The following ADAM10 variants were observed in gnomAD, a reference collection of about 807,000 sequenced individuals.
ADAM10 encodes the protein disintegrin and metalloproteinase domain-containing protein 10.
In ADAM10, 17 loss-of-function variants were observed where a neutral mutation model predicts 90.1. The ratio of observed to expected loss-of-function variants is 0.19; its 90% CI spans 0.13 to 0.28. ADAM10 has a LOEUF of 0.28. Among genes scored for constraint, ADAM10 ranks in the 10% least tolerant of loss-of-function variants. The pLI is 1.00. For synonymous variants in ADAM10, 310 were observed against 298.6 expected (o/e 1.04, Z -0.40); for missense variants, 610 against 914.3 (o/e 0.67, Z 4.29).
At chr15:58,708,785 G>A (rs558580128) in intron 2 of ADAM10, among the ~76,000 whole-genome samples, 30 of 152,204 alleles carry the variant, frequency 2.0e-4, no homozygotes, top group African/African-American at 2.6e-4. Flanking sequence ...GACTATTTTG[G>A]AAACTTACTA....
intron 2 of ADAM10, chr15:58,698,346 T>A: frequency 2.4e-6 from 1 of 425,028 alleles, no homozygotes; most frequent in Non-Finnish European, 4.6e-6. Context: ...CTGAGGCAGG[T>A]GGATCGTTTC....
intron 14 of ADAM10, among the ~76,000 whole-genome samples, chr15:58,602,110 GT>G (rs1217764512): frequency 1.3e-5 from 2 of 152,008 alleles, no homozygotes; most frequent in African/African-American, 4.8e-5. Context: ...AACTTTCAAT[GT>G]ATTCATTTAT....
At chr15:58,724,839 T>C (rs1395014358) in intron 1 of ADAM10, among the ~76,000 whole-genome samples, 1 of 152,212 alleles carries the variant, frequency 6.6e-6, no homozygotes, top group East Asian at 1.9e-4. Flanking sequence ...AAAGACCTTG[T>C]AATGTATGGA....
chr15:58,687,807 T>C (rs545514634), intron 2 of ADAM10, among the ~76,000 whole-genome samples: 6 of 152,332 alleles, frequency 3.9e-5, no homozygotes, highest in African/African-American at 1.4e-4. Context: ...ATCTCAAAGA[T>C]ACTACTTGCA....
chr15:58,655,558 A>T (rs1369201602), intron 5 of ADAM10: 1 of 150,932 alleles, frequency 6.6e-6, no homozygotes, highest in African/African-American at 2.4e-5. Context: ...ACTGAGGATT[A>T]CAATTCAACA....
chr15:58,648,906 A>G (rs1270687474), intron 5 of ADAM10, among the ~76,000 whole-genome samples: 1 of 152,070 alleles, frequency 6.6e-6, no homozygotes, highest in Non-Finnish European at 1.5e-5. Flanking sequence ...TAGAGTCATC[A>G]AAGTTTACAT....
intron 11 of ADAM10, among the ~76,000 whole-genome samples, chr15:58,619,261 T>C (rs1357820082): frequency 6.6e-6 from 1 of 152,170 alleles, no homozygotes; most frequent in African/African-American, 2.4e-5. Flanking sequence ...TTGTTACTCA[T>C]ATGTGAGAGC....
At chr15:58,748,991 G>T in intron 1 of ADAM10, 1 of 399,330 alleles carries the variant, frequency 2.5e-6, no homozygotes, top group Non-Finnish European at 4.4e-6. Flanking sequence ...CTGCGCGGCG[G>T]GTCTCGGCGG....
intron 2 of ADAM10, among the ~76,000 whole-genome samples, chr15:58,702,186 A>T (rs1412053600): frequency 3.3e-5 from 5 of 152,192 alleles, no homozygotes; most frequent in Non-Finnish European, 7.3e-5. Flanking sequence ...GAGTGAACTA[A>T]GCCAAGCACA....
intron 5 of ADAM10, among the ~76,000 whole-genome samples, chr15:58,646,649 T>C (rs1486250732): frequency 2.6e-5 from 4 of 152,218 alleles, no homozygotes; most frequent in African/African-American, 9.6e-5. Context: ...TAAGATCAGT[T>C]TAATCAACCA....
intron 1 of ADAM10, among the ~76,000 whole-genome samples, chr15:58,727,239 G>A (rs575377875): frequency 6.9e-5 from 9 of 130,764 alleles, no homozygotes; most frequent in African/African-American, 1.8e-4. Flanking sequence ...TGCCCAGGCC[G>A]TAGCGCAACG....
At chr15:58,674,322 T>C (rs1247042841) in intron 4 of ADAM10, among the ~76,000 whole-genome samples, 1 of 152,190 alleles carries the variant, frequency 6.6e-6, no homozygotes, top group East Asian at 1.9e-4. Flanking sequence ...AGCATACAAA[T>C]TCAAAACATA....
rs775918810 is a variant in ADAM10 at position 58,665,148 on chromosome 15, T to C, written c.534A>G (p.Val178=). The change falls in exon 5 of 16, where the codon GTA becomes GTG. Residue 178 remains valine, a synonymous_variant. Coordinates refer to ENST00000260408, the MANE Select transcript of ADAM10 (RefSeq NM_001110.4). Reference sequence around the variant, plus strand: ...TCTGGTATTTCCTCATTCTTTCAAATACTGAATGATCTGCACAGCCCCCCT... The same window carrying C: ...TCTGGTATTTCCTCATTCTTTCAAACACTGAATGATCTGCACAGCCCCCCT... ...GPQGGCADHS[V]FERMRKYQMT... 2.5e-6 allele frequency: 4 copies of C among 1,613,542 alleles called. No individual in the cohort carries two copies. The highest frequency in any genetic ancestry group is 3.4e-6 in the Non-Finnish European group (4 of 1,179,522).
intron 2 of ADAM10, among the ~76,000 whole-genome samples, chr15:58,717,321 G>A (rs1422643217): frequency 2.0e-5 from 3 of 152,106 alleles, no homozygotes; most frequent in African/African-American, 7.2e-5. Context: ...CTTCTTTAAA[G>A]ACATATCTTT....
In ADAM10 at chr15:58,713,579, A is replaced by T. The variant is rs139887997; in HGVS notation, c.206+3998T>A. ...TACAGCATTGCTAAGTGAGCAATCC[A>T]ATTCATCAGAACTTATTCAGTGATT... On this transcript the variant is annotated intron_variant, in intron 2 of 15. Transcript: ENST00000260408. 2.0e-3 allele frequency among the ~76,000 whole-genome samples: 304 copies of T among 152,326 alleles called. 1 individual carries two copies. Among genetic ancestry groups the T allele is most frequent in the African/African-American group, 6.8e-3 (284 of 41,582 alleles).
Position 58,596,263 on chromosome 15 carries a change from T to C in ADAM10, c.*1284A>G, listed in dbSNP as rs1227749884. The C allele has an allele frequency of 6.6e-6, 1 of 152,260 alleles. No individual in the cohort carries two copies. Among genetic ancestry groups the C allele is most frequent in the Non-Finnish European group, 1.5e-5 (1 of 68,006 alleles). The allele number at this position is 152,260 out of a possible 1,614,324, so 9.4% of individuals were successfully genotyped here. A position where few individuals can be genotyped will look rare whatever the true frequency, so the allele number is the denominator to read the frequency against. ...TTCAATTTTTGTAATGCCCCTTCTA[T>C]TTCCTGCATAGCAATAAGCCTGTTA... On this transcript the variant is annotated 3_prime_UTR_variant, in exon 16 of 16. Transcript: ENST00000260408.
At chr15:58,724,533 G>A (rs1043472224) in intron 1 of ADAM10, among the ~76,000 whole-genome samples, 15 of 152,294 alleles carry the variant, frequency 9.8e-5, no homozygotes, top group African/African-American at 3.1e-4. Context: ...CAAATGACAG[G>A]GAGAAGAAAC....
At position 58,595,071 on chromosome 15, in the gene ADAM10, A is replaced by T. The variant is rs917961107; in HGVS notation, c.*2476T>A. 7.2e-5 allele frequency: 11 copies of T among 152,194 alleles called. No homozygotes were observed. Among genetic ancestry groups the T allele is most frequent in the African/African-American group, 2.7e-4 (11 of 41,460 alleles). The allele number at this position is 152,194 out of a possible 1,614,324, so 9.4% of individuals were successfully genotyped here. ...TCATTAAACTAGGCTTTTTAAAATA[A>T]ATGAGGTACTTAGCATTCAAAACTT... On this transcript the variant is annotated 3_prime_UTR_variant, in exon 16 of 16. Transcript: ENST00000260408.
chr15:58,715,011 T>G (rs570248296), intron 2 of ADAM10, among the ~76,000 whole-genome samples: 1 of 152,284 alleles, frequency 6.6e-6, no homozygotes, highest in South Asian at 2.1e-4. Flanking sequence ...GGGCAGAAAT[T>G]CTGAGACAGA....
Sources: gnomAD v4.1 joint callset for allele counts (sites outside exome capture counted in the v4.1 genomes callset) on GRCh38, gnomAD v4.1.1 for gene constraint, MANE v1.5 for transcripts, NCBI Gene and HGNC (gene_info 2026-07-23, HGNC 2026-07-21) for gene names.